ZFC3H1: variants seen among roughly 807,000 people sequenced by gnomAD.
ZFC3H1 encodes the protein zinc finger C3H1 domain-containing protein.
In ZFC3H1, 71 loss-of-function variants were observed where a neutral mutation model predicts 243.7. The observed-to-expected ratio is 0.29, with a 90% confidence interval of 0.24 to 0.36. The LOEUF (loss-of-function observed/expected upper bound fraction) is 0.36. Ranked by LOEUF, ZFC3H1 falls within the 10% of genes least tolerant of loss-of-function variation. The probability of loss-of-function intolerance (pLI) is 1.00; values close to 1 mark genes in which losing one functional copy is unlikely to be tolerated. For missense variants in ZFC3H1, 1,966 were observed against 2,317.1 expected, an observed-to-expected ratio of 0.85 and a Z score of 3.11; for synonymous variants, 838 against 813.0, an observed-to-expected ratio of 1.03 and a Z score of -0.52.
At chr12:71,645,131 A>G in intron 3 of ZFC3H1, 56 bp from the exon 4 acceptor site, 2 of 1,456,826 alleles carry the variant, frequency 1.4e-6, no homozygotes, top group Non-Finnish European at 1.8e-6. Context: ...TAGCTTACAC[A>G]TTTCATCAAG....
intron 20 of ZFC3H1, 141 bp from the exon 21 acceptor site, chr12:71,628,075 T>TAG: frequency 2.5e-6 from 2 of 796,466 alleles, no homozygotes; most frequent in Non-Finnish European, 3.9e-6. Flanking sequence ...AGCTTTAAGG[T>TAG]AGAGCTATGA....
At chr12:71,626,012 T>G (rs1329501372) in intron 22 of ZFC3H1, among the ~76,000 whole-genome samples, 1 of 152,188 alleles carries the variant, frequency 6.6e-6, no homozygotes, top group African/African-American at 2.4e-5. Flanking sequence ...TTTACATTTT[T>G]TCTTTACCAA....
chr12:71,615,978 G>A (rs1879885441), intron 27 of ZFC3H1, among the ~76,000 whole-genome samples: 1 of 151,948 alleles, frequency 6.6e-6, no homozygotes, highest in Admixed American at 6.6e-5. Flanking sequence ...AATGAAATCT[G>A]TACTTTCTTG....
At chr12:71,615,525 G>GTTTA (rs1233674332) in intron 27 of ZFC3H1, among the ~76,000 whole-genome samples, 1 of 151,768 alleles carries the variant, frequency 6.6e-6, no homozygotes, top group African/African-American at 2.4e-5. Flanking sequence ...TTGTTTGTTT[G>GTTTA]TTTGTTTTTG....
chr12:71,624,504 AAAC>A (rs1404329283), intron 22 of ZFC3H1, among the ~76,000 whole-genome samples: 1 of 152,224 alleles, frequency 6.6e-6, no homozygotes, highest in Non-Finnish European at 1.5e-5. Context: ...ATGAAAACTA[AAAC>A]AATACAGATA....
rs186434284 is a variant in ZFC3H1, at chr12:71,630,882, C to G, written c.3543G>C (p.Pro1181=). The G allele has an allele frequency of 8.6e-3, 13,886 of 1,613,310 alleles. 85 individuals are homozygous for G. The highest frequency in any genetic ancestry group is 0.01 in the Non-Finnish European group (12,127 of 1,179,576). ...SSVSYSNMIE[P]DQCFCRFDLT... ...AATCAAAACGGCAGAAACACTGATC[C>G]GGTTCAATCATATTACTGTATGATA... is the stretch of plus-strand genomic sequence containing the variant. Residue 1181 remains proline (P), a synonymous_variant, in exon 17 of 35, where the codon CCG becomes CCC. Coordinates refer to ENST00000378743, the MANE Select transcript of ZFC3H1 (RefSeq NM_144982.5).
intron 1 of ZFC3H1, among the ~76,000 whole-genome samples, chr12:71,662,519 A>G (rs1881209873): frequency 7.5e-6 from 1 of 132,584 alleles, no homozygotes; most frequent in Admixed American, 7.8e-5. Flanking sequence ...TTTAAAAGGC[A>G]GCAACCGGAA....
In ZFC3H1 at chr12:71,626,461, G is replaced by C. The variant is rs1336018719; in HGVS notation, c.4131-15C>G. On this transcript the variant is annotated splice_polypyrimidine_tract_variant and intron_variant, in intron 21 of 34. Coordinates refer to ENST00000378743, the MANE Select transcript of ZFC3H1 (RefSeq NM_144982.5). ...CTGAGCACTCCCTGTATATATAAAA[G>C]AAAAGGTGGAAGTGCTTTTTAGAAC... is the stretch of plus-strand genomic sequence containing the variant. The C allele has an allele frequency of 1.3e-6, 2 of 1,570,578 alleles. No individual in the cohort carries two copies. The highest frequency in any genetic ancestry group is 1.7e-6 in the Non-Finnish European group (2 of 1,157,570).
chr12:71,645,373 A>C (rs1452611525), intron 3 of ZFC3H1, among the ~76,000 whole-genome samples: 3 of 152,208 alleles, frequency 2.0e-5, no homozygotes, highest in Non-Finnish European at 4.4e-5. Context: ...TTAGTAGCTA[A>C]CATTTAAAAG....
chr12:71,612,843 G>A (rs1004878852), intron 31 of ZFC3H1, among the ~76,000 whole-genome samples: 5 of 152,136 alleles, frequency 3.3e-5, no homozygotes, highest in African/African-American at 7.2e-5. Context: ...GAGAAATCTC[G>A]TTCTGATCGA....
rs982732763 is a variant in ZFC3H1, at chr12:71,638,662, G to A, written c.1628-147C>T. On this transcript the variant is annotated intron_variant, in intron 6 of 34. Coordinates refer to ENST00000378743, the MANE Select transcript of ZFC3H1 (RefSeq NM_144982.5). ...CTGATAAAATCTTTAAACCCCTCAT[G>A]AGTCCACCTCCAGCCATTTAAAATT... 8 of 637,614 alleles carry A rather than the reference G, an allele frequency of 1.3e-5. No individual in the cohort carries two copies. The Admixed American group carries it at 1.3e-4, about 11-fold the overall frequency. The allele number at this position is 637,614 out of a possible 1,614,324, so 39.5% of individuals were successfully genotyped here. A position where few individuals can be genotyped will look rare whatever the true frequency, so the allele number is the denominator to read the frequency against.
At chr12:71,660,904 C>T (rs1380433798) in intron 1 of ZFC3H1, among the ~76,000 whole-genome samples, 2 of 151,734 alleles carry the variant, frequency 1.3e-5, no homozygotes, top group African/African-American at 4.8e-5. Flanking sequence ...CTTGAAGCTA[C>T]AAGTTCAAGA....
chr12:71,656,782 A>T, intron 2 of ZFC3H1, 103 bp downstream of exon 2: 1 of 1,199,168 alleles, frequency 8.3e-7, no homozygotes, highest in South Asian at 1.6e-5. Flanking sequence ...AAAAGAATTT[A>T]CAGATAATTA....
chr12:71,654,056 T>C (rs1210546973), intron 2 of ZFC3H1, among the ~76,000 whole-genome samples: 1 of 151,860 alleles, frequency 6.6e-6, no homozygotes, highest in African/African-American at 2.4e-5. Context: ...AACCTAGAAT[T>C]CTAAACCCAG....
chr12:71,656,755 G>A (rs1592604217), intron 2 of ZFC3H1, 130 bp downstream of exon 2: 2 of 912,832 alleles, frequency 2.2e-6, no homozygotes, highest in Admixed American at 2.8e-5. Context: ...TGATATGAAT[G>A]TCTACATAGA....
chr12:71,626,573 C>A, intron 21 of ZFC3H1, 127 bp from the exon 22 acceptor site: 3 of 868,998 alleles, frequency 3.5e-6, no homozygotes, highest in Non-Finnish European at 5.0e-6. Flanking sequence ...GTCAGGATCA[C>A]TTATGAAAAG....
intron 27 of ZFC3H1, among the ~76,000 whole-genome samples, chr12:71,617,778 T>TA (rs1879925522): frequency 6.6e-6 from 1 of 152,256 alleles, no homozygotes; most frequent in Admixed American, 6.5e-5. Context: ...AATTTGCATT[T>TA]AAAATTATTT....
At position 71,638,399 on chromosome 12, in the gene ZFC3H1, G is replaced by C. The variant is rs760162250; in HGVS notation, c.1725+19C>G. The C allele has an allele frequency of 6.2e-7, 1 of 1,602,796 alleles. No individual in the cohort carries two copies. On this transcript the variant is annotated intron_variant, in intron 7 of 34. Coordinates refer to ENST00000378743, the MANE Select transcript of ZFC3H1 (RefSeq NM_144982.5). ...AAGACAAGACAAAATAATTTTCTTA[G>C]AAATCAATTCTGACTTACAGAAACC...
rs573706157 is a variant in ZFC3H1, at chr12:71,622,852, T to C, written c.4744+508A>G. On this transcript the variant is annotated intron_variant, in intron 24 of 34. Transcript: ENST00000378743. ...TTAATAATTATGACAAATGTATAGA[T>C]TTTATCTTCTGACTAGGCTATATAC... Among the ~76,000 whole-genome samples the C allele has an allele frequency of 5.9e-5, 9 of 152,328 alleles. 1 individual carries two copies. The highest frequency in any genetic ancestry group is 6.8e-3 in the Middle Eastern group (2 of 294).
Sources: allele counts gnomAD v4.1 joint callset (sites outside exome capture counted in the v4.1 genomes callset), GRCh38; gene constraint gnomAD v4.1.1; transcripts MANE v1.5; gene names NCBI Gene and HGNC (gene_info 2026-07-23, HGNC 2026-07-21).